Variants in GMDS observed in about 807,000 individuals in gnomAD.
The protein encoded by GMDS is GDP-mannose 4,6 dehydratase.
Under a neutral mutation model 49.9 loss-of-function variants are expected in GMDS, and 20 were observed. That is an observed-to-expected ratio of 0.40 (90% CI 0.28 to 0.58). The LOEUF (loss-of-function observed/expected upper bound fraction) is 0.58, where lower values mean the gene tolerates loss of function less well. Among genes scored for constraint, GMDS ranks in the 20% least tolerant of loss-of-function variants. The probability of loss-of-function intolerance (pLI) is 0.42; values close to 1 mark genes in which losing one functional copy is unlikely to be tolerated. For missense variants in GMDS, 362 were observed against 481.4 expected, an observed-to-expected ratio of 0.75 and a Z score of 2.32; for synonymous variants, 177 against 178.6, an observed-to-expected ratio of 0.99 and a Z score of 0.07.
In GMDS at chr6:1,938,995, CT is replaced by C. The variant is rs1191155731; in HGVS notation, c.644-8766del. Among the ~76,000 whole-genome samples the C allele has an allele frequency of 4.0e-3, 558 of 141,208 alleles. 3 individuals carry two copies. The highest frequency in any genetic ancestry group is 0.015 in the African/African-American group (540 of 37,082). 92.6% of individuals were successfully genotyped at this position (141,208 alleles called of 152,430 possible). Reference sequence around the variant, plus strand: ...CTCCCCTCCCCTCCTCTCTCCTCTCCTCTCCTCTTCTCTTCTCTCTCTCTCT... The same window carrying C: ...CTCCCCTCCCCTCCTCTCTCCTCTCCCTCCTCTTCTCTTCTCTCTCTCTCT... On this transcript the variant is annotated intron_variant, in intron 6 of 10. Coordinates refer to ENST00000380815, the MANE Select transcript of GMDS (RefSeq NM_001500.4).
At chr6:1,674,066 C>T (rs573643778) in intron 9 of GMDS, among the ~76,000 whole-genome samples, 66 of 151,884 alleles carry the variant, frequency 4.3e-4, no homozygotes, top group African/African-American at 1.4e-3. Flanking sequence ...TTGCTGATTG[C>T]GTAGTGAAAC....
chr6:2,198,433 C>T (rs952074914), intron 1 of GMDS, among the ~76,000 whole-genome samples: 1 of 152,082 alleles, frequency 6.6e-6, no homozygotes, highest in Admixed American at 6.5e-5. Context: ...TACCTTGTGT[C>T]CCCTTCAATT....
At chr6:2,140,211 A>T (rs1222318806) in intron 1 of GMDS, among the ~76,000 whole-genome samples, 5 of 152,146 alleles carry the variant, frequency 3.3e-5, no homozygotes, top group African/African-American at 4.8e-5. Context: ...CATAATCGCG[A>T]GAGTCCTTAT....
intron 4 of GMDS, among the ~76,000 whole-genome samples, chr6:1,975,441 TCC>T (rs1421313822): frequency 6.6e-6 from 1 of 152,042 alleles, no homozygotes; most frequent in Non-Finnish European, 1.5e-5. Context: ...CTCCAGCACC[TCC>T]CACCCCACTA....
chr6:2,224,265 C>A (rs1371827284), intron 1 of GMDS, among the ~76,000 whole-genome samples: 1 of 152,160 alleles, frequency 6.6e-6, no homozygotes, highest in East Asian at 1.9e-4. Flanking sequence ...ATACTGACAG[C>A]CCGTTGTGGA....
At chr6:1,935,460 C>T (rs1043557400) in intron 6 of GMDS, among the ~76,000 whole-genome samples, 2 of 152,188 alleles carry the variant, frequency 1.3e-5, no homozygotes, top group Non-Finnish European at 2.9e-5. Context: ...ATAATGATTA[C>T]ATTACAATGT....
intron 1 of GMDS, among the ~76,000 whole-genome samples, chr6:2,213,858 A>G (rs1050888236): frequency 6.6e-6 from 1 of 152,252 alleles, no homozygotes; most frequent in Admixed American, 6.5e-5. Context: ...TTCCTTACAT[A>G]CTTTGAGGCA....
intron 4 of GMDS, among the ~76,000 whole-genome samples, chr6:2,064,577 G>C (rs143337406): frequency 6.6e-6 from 1 of 152,080 alleles, no homozygotes; most frequent in African/African-American, 2.4e-5. Flanking sequence ...CCTCCTCCCC[G>C]ATTCCCTACA....
chr6:1,870,056 T>C (rs1758650600), intron 7 of GMDS, among the ~76,000 whole-genome samples: 1 of 152,256 alleles, frequency 6.6e-6, no homozygotes, highest in Non-Finnish European at 1.5e-5. Flanking sequence ...GGGGCCTGCC[T>C]TCCTGGGCAG....
At chr6:2,211,278 CT>C (rs1780049846) in intron 1 of GMDS, among the ~76,000 whole-genome samples, 1 of 152,148 alleles carries the variant, frequency 6.6e-6, no homozygotes, top group African/African-American at 2.4e-5. Flanking sequence ...ACTAACGCCC[CT>C]TACACACGTA....
chr6:2,201,207 C>G (rs1450466733), intron 1 of GMDS, among the ~76,000 whole-genome samples: 1 of 127,708 alleles, frequency 7.8e-6, no homozygotes, highest in African/African-American at 3.1e-5. Flanking sequence ...AGAGAGAGCA[C>G]CACATGGACA....
intron 4 of GMDS, among the ~76,000 whole-genome samples, chr6:2,051,226 C>T (rs1581575203): frequency 6.6e-6 from 1 of 152,196 alleles, no homozygotes; most frequent in South Asian, 2.1e-4. Context: ...TAGAAGGACA[C>T]CGCCTGCCAG....
chr6:2,187,439 A>G (rs234929), intron 1 of GMDS, among the ~76,000 whole-genome samples: 23,771 of 152,186 alleles, frequency 0.16, 4,230 homozygotes, highest in African/African-American at 0.43. Flanking sequence ...TCCTTAGAGA[A>G]GTAGTGAGCT....
At chr6:1,955,852 C>T (rs776550816) in intron 6 of GMDS, among the ~76,000 whole-genome samples, 13 of 152,008 alleles carry the variant, frequency 8.6e-5, no homozygotes, top group African/African-American at 2.4e-4. Context: ...GTAATGAGCA[C>T]GTGTCCAAGC....
chr6:2,083,327 C>T (rs1287763318), intron 4 of GMDS, among the ~76,000 whole-genome samples: 1 of 152,190 alleles, frequency 6.6e-6, no homozygotes, highest in Admixed American at 6.5e-5. Context: ...AGCAAATCTT[C>T]CATCTAATCC....
rs1766589408 is a variant in GMDS at position 1,726,406 on chromosome 6, G to A, written c.987+10C>T. On this transcript the variant is annotated intron_variant, in intron 9 of 10. Transcript: ENST00000380815. ...TGTGGCCACGCACTGGGTGGCCAGA[G>A]AGTCCTTACCACTTCAGTTGGCCGG... 1 of 1,594,294 alleles carries A rather than the reference G, an allele frequency of 6.3e-7. No homozygotes were observed. The highest frequency in any genetic ancestry group is 8.6e-7 in the Non-Finnish European group (1 of 1,161,916).
intron 6 of GMDS, among the ~76,000 whole-genome samples, chr6:1,948,303 TAAG>T (rs1763184442): frequency 6.6e-6 from 1 of 152,214 alleles, no homozygotes; most frequent in African/African-American, 2.4e-5. Context: ...TTCAAAAACT[TAAG>T]AATGTTATTT....
At chr6:2,049,572 T>A (rs748008306) in intron 4 of GMDS, among the ~76,000 whole-genome samples, 1 of 152,198 alleles carries the variant, frequency 6.6e-6, no homozygotes, top group Non-Finnish European at 1.5e-5. Context: ...ACATATGTGA[T>A]CAAGGTAAGG....
chr6:2,239,877 A>G (rs1297413569), intron 1 of GMDS, among the ~76,000 whole-genome samples: 1 of 152,016 alleles, frequency 6.6e-6, no homozygotes, highest in Non-Finnish European at 1.5e-5. Context: ...TAGTAGAGAC[A>G]GGGTTTCACT....
Sources: allele counts gnomAD v4.1 joint callset (sites outside exome capture counted in the v4.1 genomes callset), GRCh38; gene constraint gnomAD v4.1.1; transcripts MANE v1.5; gene names NCBI Gene and HGNC (gene_info 2026-07-23, HGNC 2026-07-21).